Variants in COL14A1 observed in about 807,000 individuals in gnomAD.
COL14A1 encodes the protein collagen type XIV alpha 1 chain.
COL14A1 carries 136 observed loss-of-function variants against 230.3 expected under a neutral mutation model. The ratio of observed to expected loss-of-function variants is 0.59; its 90% CI spans 0.51 to 0.68. The LOEUF (loss-of-function observed/expected upper bound fraction) is 0.68, where lower values mean the gene tolerates loss of function less well. Among genes scored for constraint, COL14A1 ranks in the 30% least tolerant of loss-of-function variants. The pLI is 0.00. For missense variants in COL14A1, 1,976 were observed against 2,215.8 expected, an observed-to-expected ratio of 0.89 and a Z score of 2.17; for synonymous variants, 792 against 784.1, an observed-to-expected ratio of 1.01 and a Z score of -0.17.
intron 4 of COL14A1, among the ~76,000 whole-genome samples, chr8:120,167,009 A>AG: frequency 6.6e-6 from 1 of 151,344 alleles, no homozygotes; most frequent in South Asian, 2.1e-4. Context: ...AATTGTTATA[A>AG]AAATTTATAC....
intron 18 of COL14A1, 36 bp downstream of exon 18, chr8:120,228,805 A>G: frequency 6.4e-7 from 1 of 1,572,496 alleles, no homozygotes; most frequent in Non-Finnish European, 8.7e-7. Context: ...ACCACTTTAA[A>G]AATTTTCTTT....
Position 120,289,737 on chromosome 8 carries a change from T to A in COL14A1, c.4207T>A (p.Ser1403Thr). Reference protein sequence around the residue: ...GVEVLGKMVRSRGPGGNSAPF... With the variant: ...GVEVLGKMVRTRGPGGNSAPF... ...AGAAGTGCTAGGGAAAATGGTTCGA[T>A]CAAGAGGACCAGGTGGAAACTCTGC... Residue 1403 changes from serine (S) to threonine (T), a missense_variant, in exon 34 of 48, where the codon TCA becomes ACA. Physicochemically the swap from Ser to Thr is moderately conservative, Grantham distance 58. Transcript: ENST00000297848. 6.2e-7 allele frequency: 1 copy of A among 1,613,792 alleles called. No individual in the cohort carries two copies. The highest frequency in any genetic ancestry group is 8.5e-7 in the Non-Finnish European group (1 of 1,179,866).
Position 120,216,426 on chromosome 8 carries a change from C to T in COL14A1, c.1673C>T (p.Thr558Ile), listed in dbSNP as rs1372564046. ...SNSARLTWDP[T>I]SRQINGYRIV... is the part of the protein sequence containing the mutation. ...AGTGCTCGATTAACCTGGGACCCAA[C>T]TTCAAGACAGATCAATGGTTATCGA... Residue 558 changes from threonine (T) to isoleucine (I), a missense_variant, in exon 14 of 48, where the codon ACT becomes ATT. Around this residue, in one of 3 missense-constraint regions of COL14A1, gnomAD observed 1,791 missense variants for 2,019.5 expected, o/e 0.89. Transcript: ENST00000297848. 1.2e-6 allele frequency: 2 copies of T among 1,613,710 alleles called. No homozygotes were observed. The highest frequency in any genetic ancestry group is 2.7e-5 in the African/African-American group (2 of 74,864).
chr8:120,331,535 A>G (rs2034843), intron 40 of COL14A1, among the ~76,000 whole-genome samples: 67,164 of 152,046 alleles, frequency 0.44, 15,006 homozygotes, highest in African/African-American at 0.52. Flanking sequence ...AGATGTTTTT[A>G]TAAAGAACAT....
intron 21 of COL14A1, 35 bp downstream of exon 21, chr8:120,247,770 G>A (rs1233135439): frequency 6.2e-7 from 1 of 1,602,998 alleles, no homozygotes; most frequent in Non-Finnish European, 8.5e-7. Context: ...TTGATACCAT[G>A]AGTAGTCACT....
At chr8:120,343,810 T>C (rs1479267525) in intron 44 of COL14A1, among the ~76,000 whole-genome samples, 1 of 152,184 alleles carries the variant, frequency 6.6e-6, no homozygotes, top group Non-Finnish European at 1.5e-5. Context: ...ATAACCTGTA[T>C]CTTGAATTGT....
intron 25 of COL14A1, among the ~76,000 whole-genome samples, chr8:120,268,875 T>C (rs901271354): frequency 6.6e-6 from 1 of 151,742 alleles, no homozygotes. Flanking sequence ...TATCTTTCCA[T>C]GGAAACAGAG....
chr8:120,371,032 A>T lies in COL14A1; in HGVS notation c.5312-120A>T, dbSNP rs955485762. On this transcript the variant is annotated intron_variant, in intron 47 of 47. Transcript: ENST00000297848. ...GGTACAAGGGGCGTGGTGGATTAAG[A>T]CATCCACTGCTTTTTACCCAGCAGG... is the stretch of plus-strand genomic sequence containing the variant. 1.3e-4 allele frequency: 132 copies of T among 1,036,944 alleles called. No individual in the cohort carries two copies. The African/African-American group carries it at 2.0e-3, about 16-fold the overall frequency. The allele number at this position is 1,036,944 out of a possible 1,614,324, so 64.2% of individuals were successfully genotyped here. A position where few individuals can be genotyped will look rare whatever the true frequency, so the allele number is the denominator to read the frequency against.
chr8:120,323,571 T>G (rs1431246950), intron 40 of COL14A1, among the ~76,000 whole-genome samples: 8 of 152,238 alleles, frequency 5.3e-5, no homozygotes, highest in Non-Finnish European at 1.2e-4. Flanking sequence ...AAATTTTTAA[T>G]CCATCTTGAG....
chr8:120,244,084 A>C, intron 20 of COL14A1, 76 bp downstream of exon 20: 5 of 1,515,054 alleles, frequency 3.3e-6, no homozygotes, highest in Non-Finnish European at 4.5e-6. Flanking sequence ...ATGCACCCTG[A>C]AAGATACAGT....
intron 36 of COL14A1, among the ~76,000 whole-genome samples, chr8:120,302,143 T>A (rs920768797): frequency 3.9e-5 from 6 of 152,226 alleles, no homozygotes; most frequent in African/African-American, 1.4e-4. Flanking sequence ...TAGACCTTTG[T>A]CAGATGCATA....
intron 34 of COL14A1, among the ~76,000 whole-genome samples, chr8:120,295,681 T>A (rs1820504619): frequency 6.6e-6 from 1 of 151,860 alleles, no homozygotes; most frequent in South Asian, 2.1e-4. Flanking sequence ...CTTAAACAAA[T>A]CAATTATGAG....
In COL14A1 at chr8:120,203,811, T is replaced by G. The variant is rs1238867635; in HGVS notation, c.980T>G (p.Val327Gly). ...GAATTCGATCTGATGCACACAGTTG[T>G]GGAGAGTCTGACCAGGACTCTCTGC... Reference protein sequence around the residue: ...VAEFDLMHTVVESLTRTLCSR... With the variant: ...VAEFDLMHTVGESLTRTLCSR... The change falls in exon 9 of 48, where the codon GTG (valine) becomes GGG (glycine). Residue 327 changes from valine (V) to glycine (G), a missense_variant. Val to Gly is a moderately radical substitution (Grantham distance 109). Transcript: ENST00000297848. 7 of 1,613,806 alleles carry G rather than the reference T, an allele frequency of 4.3e-6. No individual in the cohort carries two copies. The highest frequency in any genetic ancestry group is 1.7e-5 in the Admixed American group (1 of 59,964).
chr8:120,155,137 T>C (rs1161105254), intron 2 of COL14A1, among the ~76,000 whole-genome samples: 1 of 152,234 alleles, frequency 6.6e-6, no homozygotes. Context: ...TATGCTTCTA[T>C]AGGCAATAGA....
intron 21 of COL14A1, among the ~76,000 whole-genome samples, chr8:120,249,262 A>G (rs1023598489): frequency 6.6e-5 from 10 of 152,006 alleles, no homozygotes; most frequent in African/African-American, 1.9e-4. Context: ...CCCCATATCA[A>G]TTTTCAGCCT....
intron 45 of COL14A1, among the ~76,000 whole-genome samples, chr8:120,361,263 G>A (rs892908734): frequency 1.3e-5 from 2 of 151,936 alleles, no homozygotes; most frequent in African/African-American, 4.8e-5. Context: ...GAATTATAAA[G>A]GCACAGTAGA....
intron 26 of COL14A1, among the ~76,000 whole-genome samples, chr8:120,271,591 A>G (rs1819667910): frequency 6.6e-6 from 1 of 151,672 alleles, no homozygotes; most frequent in Non-Finnish European, 1.5e-5. Context: ...GATGTGAATG[A>G]TGCAGACTTA....
At chr8:120,275,624 CA>C (rs1819814586) in intron 26 of COL14A1, among the ~76,000 whole-genome samples, 1 of 151,818 alleles carries the variant, frequency 6.6e-6, no homozygotes, top group African/African-American at 2.4e-5. Context: ...GAAACACACA[CA>C]AATCAGCAAG....
At chr8:120,242,915 C>T (rs924052709) in intron 19 of COL14A1, among the ~76,000 whole-genome samples, 3 of 152,174 alleles carry the variant, frequency 2.0e-5, no homozygotes, top group Non-Finnish European at 2.9e-5. Context: ...GAGACAGCAT[C>T]GCCCTTTGCC....
Sources: allele counts gnomAD v4.1 joint callset (sites outside exome capture counted in the v4.1 genomes callset), GRCh38; gene constraint gnomAD v4.1.1; regional missense constraint gnomAD v4.1.1; transcripts MANE v1.5; gene names NCBI Gene and HGNC (gene_info 2026-07-23, HGNC 2026-07-21).